RGPD4: variants seen among roughly 807,000 people sequenced by gnomAD.
RGPD4 encodes RANBP2 like and GRIP domain containing 4, also known as ranBP2-like and GRIP domain-containing protein 4.
Under a neutral mutation model 141.1 loss-of-function variants are expected in RGPD4, and 84 were observed. That is an observed-to-expected ratio of 0.60 (90% CI 0.50 to 0.71). The LOEUF is 0.71. Ranked by LOEUF, RGPD4 falls within the 30% of genes least tolerant of loss-of-function variation. The pLI is 0.00. For synonymous variants in RGPD4, 298 were observed against 566.8 expected, an observed-to-expected ratio of 0.53 and a Z score of 6.74; for missense variants, 918 against 1,622.4, an observed-to-expected ratio of 0.57 and a Z score of 7.46.
At chr2:107,889,347 TC>T (rs1331681309) in intron 22 of RGPD4, among the ~76,000 whole-genome samples, 3 of 123,526 alleles carry the variant, frequency 2.4e-5, no homozygotes, top group Non-Finnish European at 4.9e-5. Context: ...GTAGAAACTT[TC>T]TTTAAAATTG....
chr2:107,845,183 G>T lies in RGPD4; in HGVS notation c.782+1453G>T, dbSNP rs1401509681. Among the ~76,000 whole-genome samples the T allele has an allele frequency of 3.0e-4, 36 of 118,860 alleles. No individual in the cohort carries two copies. The East Asian group carries it at 3.4e-3, about 11-fold the overall frequency. The allele number at this position is 118,860 out of a possible 152,430, so 78.0% of individuals were successfully genotyped here. On this transcript the variant is annotated intron_variant, in intron 6 of 22. Coordinates refer to ENST00000408999, the MANE Select transcript of RGPD4 (RefSeq NM_182588.3). ...TGCCTCCTGAATAGGTGGAACTACA[G>T]GTGCCCGACACCACACCTGGCTAAT...
At chr2:107,845,833 G>A (rs1485981037) in intron 6 of RGPD4, among the ~76,000 whole-genome samples, 2 of 152,008 alleles carry the variant, frequency 1.3e-5, no homozygotes, top group African/African-American at 4.8e-5. Context: ...CAAAGTGTTG[G>A]GATTACAGGC....
rs1445065859 is a variant in RGPD4, at chr2:107,871,716, C to G, written c.3712C>G (p.Pro1238Ala). The G allele has an allele frequency of 3.1e-6, 5 of 1,610,334 alleles. No individual in the cohort carries two copies. Among genetic ancestry groups the G allele is most frequent in the Non-Finnish European group, 4.2e-6 (5 of 1,179,736 alleles). Residue 1238 changes from proline (P) to alanine (A), a missense_variant, in exon 20 of 23, where the codon CCC becomes GCC. Physicochemically the swap from Pro to Ala is conservative, Grantham distance 27 (BLOSUM62 -1). Transcript: ENST00000408999. ...CGGTGCCTCAGACACAACAATAAAA[C>G]CCAATCCTGAAAACACTGGGCCCAC... ...AAGASDTTIKPNPENTGPTLE... is the reference protein window; with the variant it reads ...AAGASDTTIKANPENTGPTLE...
At chr2:107,873,549 G>A (rs1386110870) in intron 20 of RGPD4, among the ~76,000 whole-genome samples, 2 of 134,714 alleles carry the variant, frequency 1.5e-5, no homozygotes, top group East Asian at 2.4e-4. Flanking sequence ...ACTCCAGCCT[G>A]ACTGAGTGAC....
chr2:107,833,361 G>C (rs2919205), intron 1 of RGPD4, among the ~76,000 whole-genome samples: 52 of 152,166 alleles, frequency 3.4e-4, no homozygotes, highest in Non-Finnish European at 5.9e-4. Context: ...GGCATCTCTT[G>C]GGGTCTTACT....
chr2:107,849,500 G>A (rs1222070485), intron 7 of RGPD4, among the ~76,000 whole-genome samples: 1 of 102,382 alleles, frequency 9.8e-6, no homozygotes, highest in African/African-American at 4.0e-5. Flanking sequence ...CTGAGTAGCT[G>A]GGACTACAGG....
chr2:107,844,117 C>T (rs2556117), intron 6 of RGPD4, among the ~76,000 whole-genome samples: 2 of 150,284 alleles, frequency 1.3e-5, no homozygotes, highest in Non-Finnish European at 3.0e-5. Flanking sequence ...TTCACATGTA[C>T]TAGTATAAGC....
chr2:107,874,389 A>G (rs1404558163), intron 20 of RGPD4, among the ~76,000 whole-genome samples: 2 of 148,626 alleles, frequency 1.3e-5, no homozygotes, highest in Non-Finnish European at 3.0e-5. Flanking sequence ...AAGAAGTGGG[A>G]TCTGTTGAAG....
chr2:107,827,461 G>T (rs1282120692), intron 1 of RGPD4, among the ~76,000 whole-genome samples: 2 of 38,992 alleles, frequency 5.1e-5, no homozygotes, highest in Admixed American at 1.8e-4. Context: ...GGCTCCCGAC[G>T]GGCGCTGCTC....
At position 107,882,714 on chromosome 2, in the gene RGPD4, C is replaced by T; in HGVS notation, c.5107C>T (p.Gln1703Ter). ...AAGAAGATTGGAAAGGAATCAAGAGCAAGAGGAGTCTGCAGCTAACGTGGA... is the reference window on the plus strand; with the variant it reads ...AAGAAGATTGGAAAGGAATCAAGAGTAAGAGGAGTCTGCAGCTAACGTGGA... ...EIRRLERNQEQEESAANVEHL... is the reference protein window; with the variant it reads ...EIRRLERNQE Residue 1703 changes from glutamine (Q) to a stop codon, truncating the protein, a stop_gained, in exon 22 of 23, where the codon CAA (glutamine) becomes TAA (stop). Coordinates refer to ENST00000408999, the MANE Select transcript of RGPD4 (RefSeq NM_182588.3). LOFTEE classifies it high-confidence loss of function. 6 of 1,611,614 alleles carry T rather than the reference C, an allele frequency of 3.7e-6. No individual in the cohort carries two copies. The highest frequency in any genetic ancestry group is 5.1e-6 in the Non-Finnish European group (6 of 1,179,858).
chr2:107,888,490 C>T (rs1675569084), intron 22 of RGPD4, among the ~76,000 whole-genome samples: 1 of 150,928 alleles, frequency 6.6e-6, no homozygotes, highest in African/African-American at 2.4e-5. Context: ...TAAGCAATAT[C>T]GCTTCCTTCT....
rs1249921282 is a variant in RGPD4, at chr2:107,871,034, A to G, written c.3030A>G (p.Lys1010=). Residue 1010 remains lysine (K), a synonymous_variant, in exon 20 of 23, where the codon AAA becomes AAG. Coordinates refer to ENST00000408999, the MANE Select transcript of RGPD4 (RefSeq NM_182588.3). ...AATTATTCTCATCACAATGCGGTAA[A>G]ATGGCCAATAAAGCAAACACTTCCG... The part of the protein sequence containing the change: ...GEKLFSSQCG[K]MANKANTSGD... 7 of 1,610,980 alleles carry G rather than the reference A, an allele frequency of 4.3e-6. No individual in the cohort carries two copies. The African/African-American group carries it at 9.4e-5, about 22-fold the overall frequency.
At chr2:107,845,190 G>A (rs968875926) in intron 6 of RGPD4, among the ~76,000 whole-genome samples, 17 of 109,928 alleles carry the variant, frequency 1.5e-4, no homozygotes, top group Admixed American at 3.6e-4. Context: ...ACAGGTGCCC[G>A]ACACCACACC....
chr2:107,834,591 T>C (rs1320822126), intron 1 of RGPD4, among the ~76,000 whole-genome samples: 1 of 152,088 alleles, frequency 6.6e-6, no homozygotes, highest in Non-Finnish European at 1.5e-5. Flanking sequence ...TTGCAGTGCT[T>C]GTGTTCAAGT....
intron 8 of RGPD4, 71 bp downstream of exon 8, chr2:107,854,714 A>C: frequency 6.3e-7 from 1 of 1,576,208 alleles, no homozygotes; most frequent in Middle Eastern, 2.3e-4. Context: ...TCTTATGATA[A>C]AATCTCCATC....
At chr2:107,883,643 AAAC>A (rs376953837) in intron 22 of RGPD4, among the ~76,000 whole-genome samples, 11,206 of 80,570 alleles carry the variant, frequency 0.14, 1,755 homozygotes, top group African/African-American at 0.31. Context: ...AAAAAAACAA[AAAC>A]AAAAAACTAT....
intron 1 of RGPD4, among the ~76,000 whole-genome samples, chr2:107,827,616 T>C (rs1681264817): frequency 1.8e-5 from 1 of 54,992 alleles, no homozygotes; most frequent in Admixed American, 1.6e-4. Context: ...GCGGCCTCGA[T>C]GGCTCAGGCG....
intron 6 of RGPD4, among the ~76,000 whole-genome samples, chr2:107,846,299 A>C (rs887707180): frequency 2.9e-4 from 44 of 150,838 alleles, no homozygotes; most frequent in African/African-American, 8.3e-4. Flanking sequence ...ATCTCTTGAC[A>C]TCGTGATCCG....
intron 6 of RGPD4, among the ~76,000 whole-genome samples, chr2:107,846,536 G>A (rs527857104): frequency 1.4e-4 from 21 of 150,274 alleles, no homozygotes; most frequent in African/African-American, 3.2e-4. Flanking sequence ...GTGTGATCTC[G>A]GATCACTGCA....
Sources: allele counts gnomAD v4.1 joint callset (sites outside exome capture counted in the v4.1 genomes callset), GRCh38; gene constraint gnomAD v4.1.1; transcripts MANE v1.5; gene names NCBI Gene and HGNC (gene_info 2026-07-23, HGNC 2026-07-21).